Variants in FMN1 observed in about 807,000 individuals in gnomAD.
FMN1 encodes formin 1.
In FMN1, 110 loss-of-function variants were observed where a neutral mutation model predicts 132.4. The observed-to-expected ratio is 0.83, with a 90% confidence interval of 0.71 to 0.97. The LOEUF (loss-of-function observed/expected upper bound fraction) is 0.97, where lower values mean the gene tolerates loss of function less well. FMN1 is among the 50% of genes least tolerant of loss of function. FMN1 has a pLI of 0.00. For missense variants in FMN1, 1,792 were observed against 1,705.3 expected (o/e 1.05, Z -0.90); for synonymous variants, 722 against 651.7 (o/e 1.11, Z -1.64).
intron 4 of FMN1, among the ~76,000 whole-genome samples, chr15:33,136,933 C>G (rs986857307): frequency 6.6e-6 from 1 of 151,760 alleles, no homozygotes; most frequent in African/African-American, 2.4e-5. Context: ...ACTAAAAATA[C>G]AAAAGTTAGC....
chr15:33,164,931 A>G (rs565627844), intron 3 of FMN1, among the ~76,000 whole-genome samples: 2 of 152,358 alleles, frequency 1.3e-5, no homozygotes, highest in East Asian at 3.9e-4. Context: ...TCTTTGCATT[A>G]CAAACATTCC....
chr15:33,058,316 A>T (rs1489534975), intron 6 of FMN1, among the ~76,000 whole-genome samples: 1 of 152,216 alleles, frequency 6.6e-6, no homozygotes, highest in East Asian at 1.9e-4. Context: ...TATCGACCTC[A>T]TTCTAATCTT....
intron 7 of FMN1, among the ~76,000 whole-genome samples, chr15:33,006,632 C>A (rs960721211): frequency 6.6e-6 from 1 of 152,066 alleles, no homozygotes; most frequent in Admixed American, 6.6e-5. Context: ...GATATGGAAT[C>A]AACGTTGAGT....
chr15:32,940,045 T>C (rs2061366155), intron 9 of FMN1, among the ~76,000 whole-genome samples: 1 of 152,188 alleles, frequency 6.6e-6, no homozygotes, highest in Non-Finnish European at 1.5e-5. Flanking sequence ...ATTTTGACAA[T>C]TTTTCAGTTG....
intron 17 of FMN1, among the ~76,000 whole-genome samples, chr15:32,842,388 G>A (rs1334172371): frequency 1.3e-5 from 2 of 152,178 alleles, no homozygotes; most frequent in East Asian, 1.9e-4. Flanking sequence ...CAGGAGACCT[G>A]AAGCAAGAAC....
At chr15:33,102,036 T>G (rs1206077867) in intron 4 of FMN1, among the ~76,000 whole-genome samples, 2 of 152,144 alleles carry the variant, frequency 1.3e-5, no homozygotes, top group African/African-American at 4.8e-5. Context: ...TCTACCAAGT[T>G]TACTTGTGTC....
intron 7 of FMN1, among the ~76,000 whole-genome samples, chr15:32,982,579 G>A (rs188272178): frequency 6.6e-6 from 1 of 152,304 alleles, no homozygotes; most frequent in East Asian, 1.9e-4. Flanking sequence ...GGATGTGTCT[G>A]TGAAGGTGTT....
At chr15:32,940,253 G>A (rs1458005988) in intron 9 of FMN1, among the ~76,000 whole-genome samples, 1 of 152,164 alleles carries the variant, frequency 6.6e-6, no homozygotes, top group Non-Finnish European at 1.5e-5. Context: ...TCAGAGAAAA[G>A]TCAGGAGACC....
At chr15:33,101,962 G>T (rs892254273) in intron 4 of FMN1, among the ~76,000 whole-genome samples, 7 of 152,042 alleles carry the variant, frequency 4.6e-5, no homozygotes, top group African/African-American at 1.7e-4. Flanking sequence ...TGGACTGACT[G>T]TATACCAGTA....
At chr15:32,819,323 T>G (rs1359314885) in intron 17 of FMN1, among the ~76,000 whole-genome samples, 2 of 152,206 alleles carry the variant, frequency 1.3e-5, no homozygotes, top group Non-Finnish European at 2.9e-5. Context: ...AGAAGCTTGT[T>G]GTAAATGCCC....
At chr15:32,805,605 T>C (rs1213228153) in intron 17 of FMN1, among the ~76,000 whole-genome samples, 1 of 152,230 alleles carries the variant, frequency 6.6e-6, no homozygotes, top group Non-Finnish European at 1.5e-5. Context: ...GCCAAATAAT[T>C]TATTGTTTCC....
At chr15:32,798,709 A>ATC in intron 19 of FMN1, 95 bp downstream of exon 19, 2 of 1,134,432 alleles carry the variant, frequency 1.8e-6, no homozygotes, top group Non-Finnish European at 2.4e-6. Context: ...GAAAGAAAAC[A>ATC]TCGACAGGTG....
intron 6 of FMN1, among the ~76,000 whole-genome samples, chr15:33,040,567 T>C (rs1272220001): frequency 1.3e-5 from 2 of 152,214 alleles, no homozygotes; most frequent in Non-Finnish European, 2.9e-5. Context: ...AATTAGACAC[T>C]AATAATATGC....
intron 9 of FMN1, among the ~76,000 whole-genome samples, chr15:32,926,812 T>TCTAG (rs1270372495): frequency 6.6e-6 from 1 of 152,166 alleles, no homozygotes. Flanking sequence ...TGAGAGAAGG[T>TCTAG]CTAGCTCTGT....
chr15:33,040,551 C>T (rs556747744), intron 6 of FMN1, among the ~76,000 whole-genome samples: 2 of 152,230 alleles, frequency 1.3e-5, no homozygotes, highest in East Asian at 3.9e-4. Context: ...AATAACAGCA[C>T]CAATGAATTA....
chr15:32,804,378 C>G, intron 17 of FMN1, 46 bp from the exon 18 acceptor site: 1 of 1,162,564 alleles, frequency 8.6e-7, no homozygotes, highest in Non-Finnish European at 1.2e-6. Context: ...TCTGTTGTCT[C>G]CTTTGCGTAA....
intron 4 of FMN1, among the ~76,000 whole-genome samples, chr15:33,108,548 A>G (rs181990206): frequency 6.6e-6 from 1 of 152,262 alleles, no homozygotes; most frequent in East Asian, 1.9e-4. Flanking sequence ...GCCTGGAGAA[A>G]CTGAACTTAA....
intron 2 of FMN1, among the ~76,000 whole-genome samples, chr15:33,191,420 G>C (rs1235596622): frequency 6.6e-6 from 1 of 152,226 alleles, no homozygotes; most frequent in East Asian, 1.9e-4. Flanking sequence ...GCTTCCTAGA[G>C]AGATGCATTA....
intron 4 of FMN1, among the ~76,000 whole-genome samples, chr15:33,139,371 C>T (rs1252195646): frequency 2.0e-5 from 3 of 152,242 alleles, no homozygotes; most frequent in South Asian, 2.1e-4. Flanking sequence ...CCGAGGCGGG[C>T]GGATCACAAG....
Sources: gnomAD v4.1 joint callset for allele counts (sites outside exome capture counted in the v4.1 genomes callset) on GRCh38, gnomAD v4.1.1 for gene constraint, MANE v1.5 for transcripts, NCBI Gene and HGNC (gene_info 2026-07-23, HGNC 2026-07-21) for gene names.